LRRK2: variants seen among roughly 807,000 people sequenced by gnomAD.
LRRK2 encodes the protein leucine rich repeat kinase 2, also known as leucine-rich repeat serine/threonine-protein kinase 2.
Under a neutral mutation model 302.6 loss-of-function variants are expected in LRRK2, and 203 were observed. That is an observed-to-expected ratio of 0.67 (90% CI 0.60 to 0.75). The LOEUF (loss-of-function observed/expected upper bound fraction) is 0.75, where lower values mean the gene tolerates loss of function less well. Among genes scored for constraint, LRRK2 ranks in the 30% least tolerant of loss-of-function variants. The pLI is 0.00. For synonymous variants in LRRK2, 1,066 were observed against 1,031.9 expected (o/e 1.03, Z -0.63); for missense variants, 2,830 against 2,951.0 (o/e 0.96, Z 0.95).
At chr12:40,229,020 G>T (rs1037200718) in intron 2 of LRRK2, among the ~76,000 whole-genome samples, 2 of 152,134 alleles carry the variant, frequency 1.3e-5, no homozygotes, top group Admixed American at 1.3e-4. Flanking sequence ...TTTTGTGCAA[G>T]CTAGTAAAAA....
chr12:40,335,229 A>C, intron 40 of LRRK2, 72 bp downstream of exon 40: 2 of 1,480,656 alleles, frequency 1.4e-6, no homozygotes, highest in Non-Finnish European at 1.9e-6. Context: ...GGTTCTGAGA[A>C]CACTTCCCAG....
chr12:40,309,026 T>G, intron 29 of LRRK2, 80 bp from the exon 30 acceptor site: 2 of 1,437,002 alleles, frequency 1.4e-6, no homozygotes, highest in Non-Finnish European at 1.9e-6. Flanking sequence ...ATAGTATTAT[T>G]CTCCCAGATT....
chr12:40,257,866 G>A (rs192886610), intron 12 of LRRK2, among the ~76,000 whole-genome samples: 4 of 152,090 alleles, frequency 2.6e-5, no homozygotes, highest in Admixed American at 2.0e-4. Flanking sequence ...TATAGCTGGC[G>A]GTTAGTGGCA....
chr12:40,314,163 A>G lies in LRRK2; in HGVS notation c.4728A>G (p.Leu1576=), dbSNP rs1183789454. The change falls in exon 32 of 51, where the codon CTA becomes CTG. Residue 1576 remains leucine, a synonymous_variant. Transcript: ENST00000298910. ...ENELPHAVHF[L]NESGVLLHFQ... Reference sequence around the variant, plus strand: ...AGCTTCCTCACGCAGTTCACTTTCTAAATGAATCAGGTTTGTGTTTTTCGT... The same window carrying G: ...AGCTTCCTCACGCAGTTCACTTTCTGAATGAATCAGGTTTGTGTTTTTCGT... 6 of 1,612,280 alleles carry G rather than the reference A, an allele frequency of 3.7e-6. No homozygotes were observed.
intron 10 of LRRK2, among the ~76,000 whole-genome samples, chr12:40,252,661 A>G (rs1452259819): frequency 6.6e-6 from 1 of 151,926 alleles, no homozygotes; most frequent in Non-Finnish European, 1.5e-5. Context: ...CTCTTTACAT[A>G]TCTGCTGAGC....
intron 7 of LRRK2, among the ~76,000 whole-genome samples, chr12:40,248,730 T>G (rs1294564327): frequency 6.6e-6 from 1 of 152,238 alleles, no homozygotes; most frequent in African/African-American, 2.4e-5. Context: ...ATAAGTCCAG[T>G]CTTCCTGCTG....
chr12:40,225,053 T>C lies in LRRK2; in HGVS notation c.-79T>C. The stretch of plus-strand genomic sequence containing the variant: ...TGAGCTGAGCTCGCCCCCGGGGAGC[T>C]GTGGCCGGCGCCCCTGCCGGTTCCC... On this transcript the variant is annotated 5_prime_UTR_variant, in exon 1 of 51. Coordinates refer to ENST00000298910, the MANE Select transcript of LRRK2 (RefSeq NM_198578.4). The C allele has an allele frequency of 6.3e-7, 1 of 1,581,956 alleles. No homozygotes were observed. Among genetic ancestry groups the C allele is most frequent in the Non-Finnish European group, 8.6e-7 (1 of 1,158,716 alleles).
chr12:40,249,887 GC>G lies in LRRK2; in HGVS notation c.901del (p.Gln301SerfsTer25), dbSNP rs759517690. The stretch of plus-strand genomic sequence containing the variant: ...ATGAGTTTGTGGTGAAAGCTGTGCA[GC>G]AGTACCCAGAGAATGCAGCATTGCA... ...VHEFVVKAVQ[Q>X]YPENAALQIS... On this transcript the variant is annotated frameshift_variant, in exon 8 of 51. Coordinates refer to ENST00000298910, the MANE Select transcript of LRRK2 (RefSeq NM_198578.4). LOFTEE classifies it high-confidence loss of function. 2 of 1,613,916 alleles carry G rather than the reference GC, an allele frequency of 1.2e-6. No homozygotes were observed. The highest frequency in any genetic ancestry group is 1.7e-6 in the Non-Finnish European group (2 of 1,179,868).
At chr12:40,366,507 C>G (rs1946884571) in intron 49 of LRRK2, 1 of 158,126 alleles carries the variant, frequency 6.3e-6, no homozygotes. Flanking sequence ...CAGGATCTAG[C>G]CTAGGGCCTA....
chr12:40,352,826 TAC>T (rs1946396688), intron 44 of LRRK2, among the ~76,000 whole-genome samples: 3 of 152,114 alleles, frequency 2.0e-5, no homozygotes, highest in African/African-American at 7.2e-5. Context: ...TTTTTCTTAG[TAC>T]AGAACAAAAT....
At chr12:40,299,613 G>C (rs1000601880) in intron 25 of LRRK2, among the ~76,000 whole-genome samples, 1 of 152,114 alleles carries the variant, frequency 6.6e-6, no homozygotes, top group Non-Finnish European at 1.5e-5. Flanking sequence ...AAGGACAGAG[G>C]ATTTTTAGGG....
At chr12:40,351,452 GCTATAACA>G (rs1946348006) in intron 43 of LRRK2, 79 bp from the exon 44 acceptor site, 2 of 1,302,246 alleles carry the variant, frequency 1.5e-6, no homozygotes, top group African/African-American at 2.9e-5. Context: ...GCTTGACAGA[GCTATAACA>G]CTTCAGTCTA....
At chr12:40,295,759 ATAAG>A in intron 23 of LRRK2, 115 bp downstream of exon 23, 1 of 990,298 alleles carries the variant, frequency 1.0e-6, no homozygotes, top group African/African-American at 1.6e-5. Context: ...TCACTGGGTG[ATAAG>A]TCCCCCGTGC....
At chr12:40,340,929 C>T (rs928079239) in intron 41 of LRRK2, among the ~76,000 whole-genome samples, 1 of 152,278 alleles carries the variant, frequency 6.6e-6, no homozygotes, top group East Asian at 1.9e-4. Flanking sequence ...TTGCTTATTA[C>T]AATCTTTATT....
chr12:40,353,217 C>T (rs11610569), intron 44 of LRRK2, among the ~76,000 whole-genome samples: 102,493 of 134,968 alleles, frequency 0.76, 40,193 homozygotes, highest in Non-Finnish European at 0.85. Flanking sequence ...GGGCTCCTCA[C>T]TTCTCAGACG....
At chr12:40,360,317 A>C (rs1946664788) in intron 47 of LRRK2, among the ~76,000 whole-genome samples, 1 of 152,112 alleles carries the variant, frequency 6.6e-6, no homozygotes, top group Non-Finnish European at 1.5e-5. Flanking sequence ...TTGAGTCACA[A>C]ATCCCTACCT....
At chr12:40,318,232 A>G (rs1945286315) in intron 33 of LRRK2, among the ~76,000 whole-genome samples, 1 of 152,054 alleles carries the variant, frequency 6.6e-6, no homozygotes, top group South Asian at 2.1e-4. Context: ...ATTAAAGGGG[A>G]AGGAAAAGAG....
chr12:40,235,221 C>T (rs1372651729), intron 3 of LRRK2, among the ~76,000 whole-genome samples: 1 of 152,122 alleles, frequency 6.6e-6, no homozygotes, highest in African/African-American at 2.4e-5. Flanking sequence ...CCTATAATCC[C>T]AGACTTTGGG....
intron 38 of LRRK2, among the ~76,000 whole-genome samples, chr12:40,325,053 C>T (rs573352881): frequency 6.6e-6 from 1 of 152,050 alleles, no homozygotes; most frequent in South Asian, 2.1e-4. Flanking sequence ...TTTGGGAGGC[C>T]GAGGTGGGTG....
Sources: allele counts gnomAD v4.1 joint callset (sites outside exome capture counted in the v4.1 genomes callset), GRCh38; gene constraint gnomAD v4.1.1; transcripts MANE v1.5; gene names NCBI Gene and HGNC (gene_info 2026-07-23, HGNC 2026-07-21).